The following CELF5 variants were observed in gnomAD, a reference collection of about 807,000 sequenced individuals.
CELF5 encodes CUGBP Elav-like family member 5.
CELF5 carries 6 observed loss-of-function variants against 54.9 expected under a neutral mutation model. The ratio of observed to expected loss-of-function variants is 0.11; its 90% confidence interval spans 0.06 to 0.22. CELF5 has a LOEUF of 0.22. Among genes scored for constraint, CELF5 ranks in the 10% least tolerant of loss-of-function variants. The probability of loss-of-function intolerance (pLI) is 1.00; values close to 1 mark genes in which losing one functional copy is unlikely to be tolerated. For missense variants in CELF5, 401 were observed against 678.6 expected, an observed-to-expected ratio of 0.59 and a Z score of 4.54; for synonymous variants, 271 against 290.9, an observed-to-expected ratio of 0.93 and a Z score of 0.70.
intron 1 of CELF5, among the ~76,000 whole-genome samples, chr19:3,231,377 T>C (rs915115249): frequency 2.0e-5 from 3 of 150,956 alleles, no homozygotes; most frequent in African/African-American, 7.3e-5. Flanking sequence ...ACTCTAGATA[T>C]GAGTGGATTT....
At position 3,296,977 on chromosome 19, in the gene CELF5, A is replaced by G. The variant is rs1283422201; in HGVS notation, c.*260A>G. The G allele has an allele frequency of 6.8e-6, 1 of 146,342 alleles. No individual in the cohort carries two copies. The highest frequency in any genetic ancestry group is 1.5e-5 in the Non-Finnish European group (1 of 66,284). 9.1% of individuals were successfully genotyped at this position (146,342 alleles called of 1,614,324 possible). A position where few individuals can be genotyped will look rare whatever the true frequency, so the allele number is the denominator to read the frequency against. ...TACGTGTTTCAGGTGAGAAGCAGCA[A>G]AGCGTCTTAATGTTCAAAACGCCTC... On this transcript the variant is annotated 3_prime_UTR_variant, in exon 13 of 13. Coordinates refer to ENST00000292672, the MANE Select transcript of CELF5 (RefSeq NM_021938.4).
rs1382037016 is a variant in CELF5 at position 3,268,372 on chromosome 19, C to T, written c.343-5500C>T. ...AGGTGCTGAACGCAGAACCCGAGCT[C>T]GGCACACAGGCACAGAATAAATGAA... On this transcript the variant is annotated intron_variant, in intron 2 of 12. Coordinates refer to ENST00000292672, the MANE Select transcript of CELF5 (RefSeq NM_021938.4). This position sits in a 1 kb window ranked among gnomAD's most constrained non-coding sequence, Gnocchi z 4.4. Among the ~76,000 whole-genome samples, 2 of 152,072 alleles carry T rather than the reference C, an allele frequency of 1.3e-5. No homozygotes were observed. The highest frequency in any genetic ancestry group is 6.6e-5 in the Admixed American group (1 of 15,252).
intron 1 of CELF5, among the ~76,000 whole-genome samples, chr19:3,231,471 T>A (rs1917250435): frequency 6.7e-6 from 1 of 148,486 alleles, no homozygotes; most frequent in Admixed American, 6.6e-5. Context: ...GATGGATGGA[T>A]GGATGGATGG....
At chr19:3,260,199 C>T (rs917629327) in intron 2 of CELF5, among the ~76,000 whole-genome samples, 2 of 152,124 alleles carry the variant, frequency 1.3e-5, no homozygotes, top group Non-Finnish European at 2.9e-5. Flanking sequence ...TCACTGCAAC[C>T]TCCACGTCCC....
At position 3,275,700 on chromosome 19, in the gene CELF5, C is replaced by T. The variant is rs1164756594; in HGVS notation, c.395-156C>T. Among the ~76,000 whole-genome samples, 1 of 152,108 alleles carries T rather than the reference C, an allele frequency of 6.6e-6. No individual in the cohort carries two copies. Among genetic ancestry groups the T allele is most frequent in the Non-Finnish European group, 1.5e-5 (1 of 68,020 alleles). On this transcript the variant is annotated intron_variant, in intron 3 of 12. Transcript: ENST00000292672. This position sits in a 1 kb window ranked among gnomAD's most constrained non-coding sequence, Gnocchi z 6.7. ...GATCCGGGGCAGGGAAAGGGCGCGG[C>T]TGGGTCCTCCCTCGCACGCGCAGAA...
At chr19:3,285,777 T>G (rs1337931584) in intron 9 of CELF5, among the ~76,000 whole-genome samples, 165 bp from the exon 10 acceptor site, 8 of 124,126 alleles carry the variant, frequency 6.4e-5, no homozygotes, top group Non-Finnish European at 1.4e-4. Flanking sequence ...CCCCGCCCTC[T>G]GGCCTGGCCC....
In CELF5 at chr19:3,293,418, G is replaced by T; in HGVS notation, c.1430G>T (p.Arg477Leu). 1.9e-6 allele frequency: 3 copies of T among 1,614,088 alleles called. No homozygotes were observed. Among genetic ancestry groups the T allele is most frequent in the Non-Finnish European group, 2.5e-6 (3 of 1,179,970 alleles). ...GMKRLKVQLK[R>L]PKDPGHPY ...AAGAGGCTCAAAGTCCAGCTGAAGC[G>T]GCCCAAAGACCCGGGACACCCCTAC... Residue 477 changes from arginine (R) to leucine (L), a missense_variant, in exon 12 of 13, where the codon CGG (arginine) becomes CTG (leucine). By Grantham distance (102) the Arg-to-Leu change is moderately radical. Coordinates refer to ENST00000292672, the MANE Select transcript of CELF5 (RefSeq NM_021938.4).
Position 3,228,401 on chromosome 19 carries a change from A to AC in CELF5, c.259+3406dup, listed in dbSNP as rs1917048733. On this transcript the variant is annotated intron_variant, in intron 1 of 12. Transcript: ENST00000292672. The surrounding 1 kb of genome is among the most constrained non-coding windows in gnomAD (Gnocchi z 6.0). ...CCCCCCTGCAGTTCCTGCCCCGGGG[A>AC]CCCTCCCTCCAAGGCAGGCACCTCT... 6.6e-6 allele frequency among the ~76,000 whole-genome samples: 1 copy of AC among 151,712 alleles called. No homozygotes were observed. The highest frequency in any genetic ancestry group is 2.1e-4 in the South Asian group (1 of 4,804).
chr19:3,276,817 G>T (rs555390000), intron 4 of CELF5, among the ~76,000 whole-genome samples: 1,180 of 106,484 alleles, frequency 0.011, 6 homozygotes, highest in African/African-American at 0.041. Context: ...AGGCGGGGGG[G>T]CTTCTCCAGG....
intron 1 of CELF5, among the ~76,000 whole-genome samples, chr19:3,236,973 A>C (rs1599391390): frequency 6.9e-6 from 1 of 145,256 alleles, no homozygotes; most frequent in East Asian, 2.1e-4. Flanking sequence ...TGGACGACAG[A>C]GCAAGACTCC....
Position 3,282,252 on chromosome 19 carries a change from A to G in CELF5, c.877A>G (p.Ile293Val), listed in dbSNP as rs2080164861. 1.9e-6 allele frequency: 3 copies of G among 1,612,782 alleles called. No homozygotes were observed. The East Asian group carries it at 6.7e-5, about 36-fold the overall frequency. ...CCTCAACGGGCTGCCTGCCACACCCATCGCTCCTGCCTCTGGTGAGCCTCC... is the reference window on the plus strand; with the variant it reads ...CCTCAACGGGCTGCCTGCCACACCCGTCGCTCCTGCCTCTGGTGAGCCTCC... ...VSLNGLPATP[I>V]APASGLHSPP... Residue 293 changes from isoleucine (I) to valine (V), a missense_variant, in exon 7 of 13, where the codon ATC becomes GTC. This residue lies in a region of CELF5 where 143 missense variants were observed against 147.6 expected (regional missense o/e 0.97). Transcript: ENST00000292672. The surrounding 1 kb of genome is among the most constrained non-coding windows in gnomAD (Gnocchi z 5.2).
At chr19:3,294,814 C>T (rs2080408864) in intron 12 of CELF5, 1 of 152,190 alleles carries the variant, frequency 6.6e-6, no homozygotes, top group Admixed American at 6.6e-5. Context: ...ATATCTGTCC[C>T]CAGCTGCCAG....
intron 2 of CELF5, among the ~76,000 whole-genome samples, chr19:3,264,347 G>A (rs2079850722): frequency 6.6e-6 from 1 of 150,718 alleles, no homozygotes; most frequent in African/African-American, 2.4e-5. Flanking sequence ...AACATAAATG[G>A]GATAATAGTC....
chr19:3,296,458 A>G lies in CELF5; in HGVS notation c.*41-300A>G, dbSNP rs567438093. 1.1e-3 allele frequency: 140 copies of G among 124,564 alleles called. 1 individual carries two copies. Among genetic ancestry groups the G allele is most frequent in the African/African-American group, 4.2e-3 (133 of 31,716 alleles). The allele number at this position is 124,564 out of a possible 1,614,324, so 7.7% of individuals were successfully genotyped here. A position where few individuals can be genotyped will look rare whatever the true frequency, so the allele number is the denominator to read the frequency against. On this transcript the variant is annotated intron_variant, in intron 12 of 12. Coordinates refer to ENST00000292672, the MANE Select transcript of CELF5 (RefSeq NM_021938.4). ...AGAAAAAAAAAAAAAAAAAAAAAAG[A>G]AAAGAAAAAAGAAAAAAAAATAGAA...
intron 1 of CELF5, among the ~76,000 whole-genome samples, chr19:3,241,342 A>C (rs1303091094): frequency 6.6e-6 from 1 of 150,564 alleles, no homozygotes; most frequent in East Asian, 2.0e-4. Context: ...CTGCCTCCCA[A>C]AGTGCTGGGA....
chr19:3,235,789 A>AATGGATGG lies in CELF5; in HGVS notation c.259+10811_259+10818dup, dbSNP rs1278030051. Among the ~76,000 whole-genome samples the AATGGATGG allele has an allele frequency of 1.6e-4, 8 of 50,762 alleles. 1 individual carries two copies. The East Asian group carries it at 3.5e-3, about 22-fold the overall frequency. The allele number at this position is 50,762 out of a possible 152,430, so 33.3% of individuals were successfully genotyped here. The stretch of plus-strand genomic sequence containing the variant: ...GGGTGGATAGATGGATGGATGGATG[A>AATGGATGG]ATGGATGGATGGATGGATGGATGGA... On this transcript the variant is annotated intron_variant, in intron 1 of 12. Transcript: ENST00000292672.
Position 3,228,293 on chromosome 19 carries a change from G to A in CELF5, c.259+3295G>A, listed in dbSNP as rs1265597732. 6.6e-6 allele frequency among the ~76,000 whole-genome samples: 1 copy of A among 152,042 alleles called. No individual in the cohort carries two copies. The highest frequency in any genetic ancestry group is 6.5e-5 in the Admixed American group (1 of 15,278). On this transcript the variant is annotated intron_variant, in intron 1 of 12. Transcript: ENST00000292672. The surrounding 1 kb of genome is among the most constrained non-coding windows in gnomAD (Gnocchi z 6.0). ...TGCCAGAACTCCGCATCCAGAGAGCGGGGACCTCCCCCAGGAAGGACCCCC... is the reference window on the plus strand; with the variant it reads ...TGCCAGAACTCCGCATCCAGAGAGCAGGGACCTCCCCCAGGAAGGACCCCC...
At chr19:3,256,538 TTATTATTATTA>T in intron 2 of CELF5, among the ~76,000 whole-genome samples, 1 of 12,124 alleles carries the variant, frequency 8.2e-5, no homozygotes, top group East Asian at 2.9e-3. Context: ...GTTTCATTTA[TTATTATTATTA>T]TTATTATTAT....
intron 1 of CELF5, among the ~76,000 whole-genome samples, chr19:3,250,510 A>C (rs2079634064): frequency 6.6e-6 from 1 of 152,126 alleles, no homozygotes; most frequent in Admixed American, 6.5e-5. Context: ...ATAAAAATAA[A>C]AATTGCACAG....
Sources: gnomAD v4.1 joint callset for allele counts (sites outside exome capture counted in the v4.1 genomes callset) on GRCh38, gnomAD v4.1.1 for gene constraint, gnomAD v4.1.1 regional missense constraint, Gnocchi (gnomAD v3.1) non-coding constraint, MANE v1.5 for transcripts, NCBI Gene and HGNC (gene_info 2026-07-23, HGNC 2026-07-21) for gene names.